TIAM1: variants seen among roughly 807,000 people sequenced by gnomAD.
The protein encoded by TIAM1 is rho guanine nucleotide exchange factor TIAM1.
Under a neutral mutation model 163.5 loss-of-function variants are expected in TIAM1, and 65 were observed. The observed-to-expected ratio is 0.40, with a 90% CI of 0.33 to 0.49. The LOEUF (loss-of-function observed/expected upper bound fraction) is 0.49, where lower values mean the gene tolerates loss of function less well. TIAM1 is among the 20% of genes least tolerant of loss of function. The pLI is 0.77. For missense variants in TIAM1, 1,789 were observed against 2,044.7 expected (o/e 0.87, Z 2.41); for synonymous variants, 833 against 810.1 (o/e 1.03, Z -0.48).
chr21:31,209,495 A>G (rs998215392), intron 11 of TIAM1, among the ~76,000 whole-genome samples: 4 of 152,228 alleles, frequency 2.6e-5, no homozygotes, highest in African/African-American at 9.7e-5. Flanking sequence ...TGTGTTCACA[A>G]AAGAAGAATT....
chr21:31,398,158 CAAAAAAAA>C (rs34895602), intron 2 of TIAM1, among the ~76,000 whole-genome samples: 1 of 52,508 alleles, frequency 1.9e-5, no homozygotes, highest in Non-Finnish European at 3.9e-5. Flanking sequence ...ATCTTCAGGG[CAAAAAAAA>C]AAAAAAAAAA....
chr21:31,400,034 C>CA (rs377284069), intron 2 of TIAM1, among the ~76,000 whole-genome samples: 201 of 149,958 alleles, frequency 1.3e-3, no homozygotes, highest in African/African-American at 2.6e-3. Context: ...TCCTATCTAC[C>CA]AAAAAAAACA....
intron 1 of TIAM1, among the ~76,000 whole-genome samples, chr21:31,548,795 A>C (rs1362307831): frequency 1.3e-5 from 2 of 152,088 alleles, no homozygotes; most frequent in Non-Finnish European, 2.9e-5. Context: ...GGCCAAGCTG[A>C]ACATTATTGA....
chr21:31,169,924 G>A (rs949975066), intron 15 of TIAM1, among the ~76,000 whole-genome samples: 4 of 151,968 alleles, frequency 2.6e-5, no homozygotes, highest in Non-Finnish European at 4.4e-5. Context: ...TAAAAGAACA[G>A]AAATAGATTA....
At chr21:31,236,839 G>A (rs537588636) in intron 6 of TIAM1, among the ~76,000 whole-genome samples, 7 of 152,194 alleles carry the variant, frequency 4.6e-5, no homozygotes, top group Non-Finnish European at 1.0e-4. Context: ...GATGCTGAGC[G>A]CCTGGGCACG....
At chr21:31,452,544 C>T (rs1019636388) in intron 2 of TIAM1, 8 of 600,984 alleles carry the variant, frequency 1.3e-5, no homozygotes, top group South Asian at 6.9e-5. Context: ...GGGTGTTCTC[C>T]GAGGGACACC....
intron 2 of TIAM1, among the ~76,000 whole-genome samples, chr21:31,322,517 G>GC (rs1158429720): frequency 6.6e-6 from 1 of 151,982 alleles, no homozygotes; most frequent in Admixed American, 6.6e-5. Context: ...ACAGCAACTT[G>GC]CCCCCTGGGC....
intron 1 of TIAM1, among the ~76,000 whole-genome samples, chr21:31,525,031 C>A (rs137961316): frequency 6.6e-6 from 1 of 151,878 alleles, no homozygotes; most frequent in Non-Finnish European, 1.5e-5. Context: ...AAAGGGGGAG[C>A]GAGCATGTCA....
chr21:31,140,986 C>A, intron 22 of TIAM1, 132 bp downstream of exon 22: 1 of 651,812 alleles, frequency 1.5e-6, no homozygotes, highest in East Asian at 2.8e-5. Flanking sequence ...ACAGATGTTC[C>A]ACTAAGAAAA....
chr21:31,535,758 T>C lies in TIAM1; in HGVS notation c.-422+23169A>G, dbSNP rs1015843119. 1.9e-4 allele frequency among the ~76,000 whole-genome samples: 6 copies of C among 31,830 alleles called. No homozygotes were observed. In the East Asian group the frequency reaches 0.097, roughly 513 times the overall value. 20.9% of individuals were successfully genotyped at this position (31,830 alleles called of 152,430 possible). ...AACAAAAAAGCCCCCAGGTGAGTGT[T>C]TTTTGGCTGATGTGTGAGTTTGACA... On this transcript the variant is annotated intron_variant, in intron 1 of 28. Transcript: ENST00000286827.
intron 2 of TIAM1, among the ~76,000 whole-genome samples, chr21:31,428,845 T>C (rs1250404907): frequency 6.7e-6 from 1 of 150,310 alleles, no homozygotes; most frequent in African/African-American, 2.5e-5. Context: ...ATCACGCCAC[T>C]GTACTCCAGC....
At chr21:31,523,127 C>A (rs2047661478) in intron 1 of TIAM1, among the ~76,000 whole-genome samples, 1 of 152,142 alleles carries the variant, frequency 6.6e-6, no homozygotes, top group African/African-American at 2.4e-5. Context: ...ACAAAAGATA[C>A]CTGCAAAGAG....
intron 1 of TIAM1, among the ~76,000 whole-genome samples, chr21:31,548,995 C>CA (rs760346877): frequency 1.3e-5 from 2 of 152,162 alleles, no homozygotes; most frequent in Non-Finnish European, 2.9e-5. Context: ...TAATAAAACA[C>CA]AACAAAAACT....
intron 1 of TIAM1, among the ~76,000 whole-genome samples, chr21:31,514,146 T>C (rs10854348): frequency 0.1 from 15,769 of 152,132 alleles, 1,779 homozygotes; most frequent in East Asian, 0.61. Flanking sequence ...TCAATTGTAT[T>C]TCATGATCTA....
intron 1 of TIAM1, among the ~76,000 whole-genome samples, chr21:31,546,556 A>AAAAAGAAAG (rs373560509): frequency 7.0e-6 from 1 of 143,308 alleles, no homozygotes; most frequent in African/African-American, 2.5e-5. Context: ...TCTCAAAAAA[A>AAAAAGAAAG]AAAGAAAGAA....
At chr21:31,545,872 G>A (rs1166094803) in intron 1 of TIAM1, among the ~76,000 whole-genome samples, 4 of 152,106 alleles carry the variant, frequency 2.6e-5, no homozygotes, top group African/African-American at 4.8e-5. Flanking sequence ...ATTACAAAAC[G>A]AGAAAATATG....
chr21:31,126,547 A>T (rs145622203), intron 26 of TIAM1, among the ~76,000 whole-genome samples: 4,383 of 152,220 alleles, frequency 0.029, 100 homozygotes, highest in East Asian at 0.11. Flanking sequence ...AGCCTGGGCG[A>T]CAGAGCAAGG....
At chr21:31,327,067 T>C (rs1304901668) in intron 2 of TIAM1, among the ~76,000 whole-genome samples, 1 of 152,202 alleles carries the variant, frequency 6.6e-6, no homozygotes, top group African/African-American at 2.4e-5. Flanking sequence ...AATGGTTCAC[T>C]TATTTCAGAA....
At chr21:31,423,863 C>CG (rs762725565) in intron 2 of TIAM1, among the ~76,000 whole-genome samples, 2,645 of 25,434 alleles carry the variant, frequency 0.1, 70 homozygotes, top group Admixed American at 0.18. Context: ...TCGGGGGGGG[C>CG]GGGGGGGGGG....
Sources: gnomAD v4.1 joint callset for allele counts (sites outside exome capture counted in the v4.1 genomes callset) on GRCh38, gnomAD v4.1.1 for gene constraint, MANE v1.5 for transcripts, NCBI Gene and HGNC (gene_info 2026-07-23, HGNC 2026-07-21) for gene names.